The following ETV6 variants were observed in gnomAD, a reference collection of about 807,000 sequenced individuals.
ETV6 encodes the protein transcription factor ETV6.
A neutral mutation model predicts 51.1 loss-of-function variants in ETV6; 16 were observed. The ratio of observed to expected loss-of-function variants is 0.31; its 90% CI spans 0.21 to 0.48. The LOEUF (loss-of-function observed/expected upper bound fraction) is 0.48, where lower values mean the gene tolerates loss of function less well. Among genes scored for constraint, ETV6 ranks in the 20% least tolerant of loss-of-function variants. ETV6 has a pLI of 0.99. For synonymous variants in ETV6, 240 were observed against 224.1 expected, an observed-to-expected ratio of 1.07 and a Z score of -0.64; for missense variants, 458 against 594.8, an observed-to-expected ratio of 0.77 and a Z score of 2.39.
At chr12:11,666,013 C>T (rs1043706730) in intron 1 of ETV6, among the ~76,000 whole-genome samples, 3 of 152,138 alleles carry the variant, frequency 2.0e-5, no homozygotes, top group Non-Finnish European at 4.4e-5. Context: ...CTCAGGATGC[C>T]TCTTGGGTCA....
chr12:11,666,110 A>G (rs1368322796), intron 1 of ETV6, among the ~76,000 whole-genome samples: 2 of 152,108 alleles, frequency 1.3e-5, no homozygotes, highest in East Asian at 1.9e-4. Context: ...GTGGCAGGTC[A>G]CCACCGTATG....
At position 11,793,076 on chromosome 12, in the gene ETV6, T is replaced by A. The variant is rs561571907; in HGVS notation, c.163+40497T>A. On this transcript the variant is annotated intron_variant, in intron 2 of 7. Coordinates refer to ENST00000396373, the MANE Select transcript of ETV6 (RefSeq NM_001987.5). The stretch of plus-strand genomic sequence containing the variant: ...GTTTTTAAGGAATAGTTCTTTAATT[T>A]AAAAAAAAAAAAACCTTAACATATT... Among the ~76,000 whole-genome samples, 758 of 144,460 alleles carry A rather than the reference T, an allele frequency of 5.2e-3. 1 individual carries two copies. The highest frequency in any genetic ancestry group is 0.011 in the Middle Eastern group (3 of 276). The allele number at this position is 144,460 out of a possible 152,430, so 94.8% of individuals were successfully genotyped here.
At chr12:11,859,118 GGTTTTTTTTTTTTTTTTTTTTTTTTTTTT>G (rs1426096278) in intron 4 of ETV6, among the ~76,000 whole-genome samples, 3 of 41,794 alleles carry the variant, frequency 7.2e-5, no homozygotes, top group South Asian at 1.3e-3. Flanking sequence ...ATATGAATCT[GGTTTTTTTTTTTTTTTTTTTTTTTTTTTT>G]TTTTTTTTTT....
intron 2 of ETV6, among the ~76,000 whole-genome samples, chr12:11,808,216 C>T (rs1277877235): frequency 1.3e-5 from 2 of 152,158 alleles, no homozygotes; most frequent in East Asian, 3.8e-4. Context: ...TAGAATTGAG[C>T]CCCATAAGCT....
At chr12:11,768,831 T>G in intron 2 of ETV6, 1 of 437,128 alleles carries the variant, frequency 2.3e-6, no homozygotes, top group Non-Finnish European at 4.6e-6. Flanking sequence ...AGGACAGAAA[T>G]CTGCCTACCA....
At chr12:11,718,891 C>T (rs1865329035) in intron 1 of ETV6, among the ~76,000 whole-genome samples, 1 of 152,214 alleles carries the variant, frequency 6.6e-6, no homozygotes, top group Non-Finnish European at 1.5e-5. Flanking sequence ...ACTGTGAGGG[C>T]TGATGGCAGA....
intron 7 of ETV6, among the ~76,000 whole-genome samples, chr12:11,889,318 A>G (rs1280178729): frequency 1.3e-5 from 2 of 152,198 alleles, no homozygotes; most frequent in African/African-American, 2.4e-5. Flanking sequence ...CCAATAAAAG[A>G]TTTTCAGTAA....
intron 5 of ETV6, among the ~76,000 whole-genome samples, chr12:11,878,828 G>GAAAA (rs58898825): frequency 5.0e-5 from 7 of 139,792 alleles, no homozygotes; most frequent in African/African-American, 5.7e-5. Flanking sequence ...AGGAGGAGGG[G>GAAAA]AAAAAAAAAA....
intron 1 of ETV6, among the ~76,000 whole-genome samples, chr12:11,744,830 A>G (rs1280471199): frequency 6.6e-6 from 1 of 152,130 alleles, no homozygotes; most frequent in African/African-American, 2.4e-5. Flanking sequence ...CTCCCTGGTA[A>G]CCACAGCCTG....
At chr12:11,791,182 G>A (rs917279346) in intron 2 of ETV6, among the ~76,000 whole-genome samples, 7 of 152,130 alleles carry the variant, frequency 4.6e-5, no homozygotes, top group Admixed American at 3.9e-4. Context: ...CGGTTCTTCT[G>A]CTTTCAAGTT....
intron 1 of ETV6, among the ~76,000 whole-genome samples, chr12:11,682,586 A>G (rs867835377): frequency 1.3e-5 from 2 of 152,156 alleles, no homozygotes; most frequent in African/African-American, 4.8e-5. Context: ...CCATTTGTCA[A>G]TTTTGGCTTT....
At chr12:11,735,143 T>A (rs1324371351) in intron 1 of ETV6, among the ~76,000 whole-genome samples, 1 of 129,354 alleles carries the variant, frequency 7.7e-6, no homozygotes, top group Non-Finnish European at 1.6e-5. Flanking sequence ...CCAAGCCTCC[T>A]ATTTCTTCAC....
chr12:11,775,878 C>T (rs1945316440), intron 2 of ETV6, among the ~76,000 whole-genome samples: 1 of 152,254 alleles, frequency 6.6e-6, no homozygotes, highest in Non-Finnish European at 1.5e-5. Flanking sequence ...TTGATTGCTT[C>T]ACTGTGCTGA....
At chr12:11,752,340 C>T in intron 1 of ETV6, 110 bp from the exon 2 acceptor site, 1 of 1,143,788 alleles carries the variant, frequency 8.7e-7, no homozygotes, top group South Asian at 1.4e-5. Flanking sequence ...GCTGGTACTG[C>T]CCATGCCCCG....
intron 2 of ETV6, among the ~76,000 whole-genome samples, chr12:11,817,752 G>T (rs1182864571): frequency 6.6e-6 from 1 of 152,136 alleles, no homozygotes; most frequent in East Asian, 1.9e-4. Context: ...GGTTCTGTGG[G>T]GAGTACAAAG....
intron 5 of ETV6, among the ~76,000 whole-genome samples, chr12:11,876,429 G>C (rs1363756330): frequency 6.6e-6 from 1 of 152,152 alleles, no homozygotes; most frequent in East Asian, 1.9e-4. Flanking sequence ...CACAAACTAA[G>C]CTCCTGCTTT....
At chr12:11,690,130 A>G (rs1434923189) in intron 1 of ETV6, among the ~76,000 whole-genome samples, 1 of 151,882 alleles carries the variant, frequency 6.6e-6, no homozygotes, top group African/African-American at 2.4e-5. Context: ...TGCAGACGCC[A>G]GGAAGAAAGA....
At chr12:11,860,304 A>G (rs1946697121) in intron 4 of ETV6, among the ~76,000 whole-genome samples, 1 of 152,156 alleles carries the variant, frequency 6.6e-6, no homozygotes, top group Non-Finnish European at 1.5e-5. Flanking sequence ...GGGGTTTGAC[A>G]TCTTTGTTAC....
chr12:11,853,141 C>T (rs1413397622), intron 3 of ETV6, among the ~76,000 whole-genome samples: 1 of 152,208 alleles, frequency 6.6e-6, no homozygotes, highest in Non-Finnish European at 1.5e-5. Flanking sequence ...GAGCCGAGAT[C>T]GTGCCTCTGC....
Sources: gnomAD v4.1 joint callset for allele counts (sites outside exome capture counted in the v4.1 genomes callset) on GRCh38, gnomAD v4.1.1 for gene constraint, MANE v1.5 for transcripts, NCBI Gene and HGNC (gene_info 2026-07-23, HGNC 2026-07-21) for gene names.